The following C2orf76 variants were observed in gnomAD, a reference collection of about 807,000 sequenced individuals.
C2orf76 encodes the protein chromosome 2 open reading frame 76.
A neutral mutation model predicts 16.9 loss-of-function variants in C2orf76; 23 were observed. The ratio of observed to expected loss-of-function variants is 1.36; its 90% confidence interval spans 0.98 to 1.93. The LOEUF (loss-of-function observed/expected upper bound fraction) is 1.93, where lower values mean the gene tolerates loss of function less well. Among genes scored for constraint, C2orf76 ranks in the 30% most tolerant of loss-of-function variants. The pLI is 0.00. For missense variants in C2orf76, 152 were observed against 152.6 expected (o/e 1.00, Z 0.02); for synonymous variants, 48 against 52.3 (o/e 0.92, Z 0.35).
At chr2:119,283,838 A>C in the C2orf76 span, among the ~76,000 whole-genome samples, 11 of 152,258 alleles carry the variant, frequency 7.2e-5, no homozygotes, top group Admixed American at 4.6e-4. Flanking sequence ...CCATATAATC[A>C]AATCAAAAAA....
At chr2:119,364,134 G>C (rs896943870) in intron 1 of C2orf76, among the ~76,000 whole-genome samples, 3 of 151,964 alleles carry the variant, frequency 2.0e-5, no homozygotes, top group Non-Finnish European at 4.4e-5. Context: ...GGAGAGAGAA[G>C]AGAGAAAGAG....
At chr2:119,318,512 A>G (rs1679247934) in intron 3 of C2orf76, among the ~76,000 whole-genome samples, 1 of 151,752 alleles carries the variant, frequency 6.6e-6, no homozygotes, top group African/African-American at 2.4e-5. Flanking sequence ...TAAATAGTCA[A>G]CTTTCAGTTA....
chr2:119,296,615 A>T, the C2orf76 span, among the ~76,000 whole-genome samples: 23 of 152,188 alleles, frequency 1.5e-4, no homozygotes, highest in African/African-American at 5.1e-4. Flanking sequence ...AGGCCAGGCC[A>T]GTTCTCTGGG....
the C2orf76 span, among the ~76,000 whole-genome samples, chr2:119,294,724 C>T: frequency 2.0e-5 from 3 of 152,184 alleles, no homozygotes; most frequent in African/African-American, 7.2e-5. Context: ...TGCAGGGCAG[C>T]GTGAGGACCT....
At chr2:119,305,002 C>T (rs75518489) in intron 5 of C2orf76, among the ~76,000 whole-genome samples, 7,875 of 152,274 alleles carry the variant, frequency 0.052, 687 homozygotes, top group African/African-American at 0.18. Context: ...CTACCTTGTG[C>T]TGGTCCCCCA....
chr2:119,329,884 A>G (rs1679618950), intron 2 of C2orf76, among the ~76,000 whole-genome samples: 2 of 152,082 alleles, frequency 1.3e-5, no homozygotes, highest in East Asian at 1.9e-4. Flanking sequence ...AATATTTTAT[A>G]TTTATTATAT....
At chr2:119,344,996 A>G (rs528785118) in intron 1 of C2orf76, among the ~76,000 whole-genome samples, 34 of 152,256 alleles carry the variant, frequency 2.2e-4, no homozygotes, top group African/African-American at 8.2e-4. Flanking sequence ...TTCTTATCTC[A>G]CTCCTTATAC....
At chr2:119,296,414 C>T in the C2orf76 span, among the ~76,000 whole-genome samples, 1 of 152,176 alleles carries the variant, frequency 6.6e-6, no homozygotes, top group Non-Finnish European at 1.5e-5. Flanking sequence ...TACATGTATG[C>T]ATGTGTACAC....
chr2:119,285,618 G>A, the C2orf76 span, among the ~76,000 whole-genome samples: 1 of 152,210 alleles, frequency 6.6e-6, no homozygotes, highest in African/African-American at 2.4e-5. Flanking sequence ...TCAGGGCATG[G>A]AGAAAATGGA....
rs183773091 is a variant in C2orf76, at chr2:119,307,418, G to A, written c.304+4204C>T. 1.5e-4 allele frequency among the ~76,000 whole-genome samples: 22 copies of A among 147,386 alleles called. No homozygotes were observed. The East Asian group carries it at 3.3e-3, about 22-fold the overall frequency. On this transcript the variant is annotated intron_variant, in intron 5 of 5. Transcript: ENST00000334816. ...CGTGCCACTGCACTCTAGCCTGGGC[G>A]ACAGAGAGAGACTCTGTCTTAAAAA...
intron 5 of C2orf76, among the ~76,000 whole-genome samples, chr2:119,304,376 C>A (rs1314322303): frequency 1.3e-5 from 2 of 152,208 alleles, no homozygotes; most frequent in Non-Finnish European, 2.9e-5. Context: ...TTTATCTGAA[C>A]CCCTTTTGAG....
At chr2:119,318,760 AG>A in intron 3 of C2orf76, among the ~76,000 whole-genome samples, 1 of 152,218 alleles carries the variant, frequency 6.6e-6, no homozygotes, top group South Asian at 2.1e-4. Flanking sequence ...TCCTGACCTC[AG>A]GTGATCTGCC....
chr2:119,322,099 G>C (rs1679363272), intron 2 of C2orf76, among the ~76,000 whole-genome samples: 1 of 151,846 alleles, frequency 6.6e-6, no homozygotes, highest in South Asian at 2.1e-4. Context: ...ACACCTAACA[G>C]AGAAATGTGT....
At chr2:119,352,617 C>G (rs1254497148) in intron 1 of C2orf76, among the ~76,000 whole-genome samples, 2 of 152,190 alleles carry the variant, frequency 1.3e-5, no homozygotes, top group Admixed American at 6.5e-5. Flanking sequence ...TCTATAAATA[C>G]CACCTGCTGG....
chr2:119,322,003 C>T (rs1234166552), intron 2 of C2orf76, among the ~76,000 whole-genome samples: 5 of 150,750 alleles, frequency 3.3e-5, no homozygotes, highest in South Asian at 4.2e-4. Flanking sequence ...CCTCTAACTC[C>T]TCAAAGACAA....
At chr2:119,334,802 A>C (rs1286401140) in intron 2 of C2orf76, among the ~76,000 whole-genome samples, 1 of 152,124 alleles carries the variant, frequency 6.6e-6, no homozygotes, top group East Asian at 1.9e-4. Context: ...ATGCTACAAC[A>C]ACCTTACTGA....
intron 2 of C2orf76, among the ~76,000 whole-genome samples, chr2:119,337,847 T>A (rs1052988332): frequency 1.3e-5 from 2 of 152,166 alleles, no homozygotes; most frequent in Non-Finnish European, 2.9e-5. Context: ...GGGGAAGGTA[T>A]CTGTGGTACC....
intron 1 of C2orf76, among the ~76,000 whole-genome samples, chr2:119,342,800 C>T (rs1228774609): frequency 3.3e-5 from 5 of 151,904 alleles, no homozygotes; most frequent in African/African-American, 1.2e-4. Context: ...CTCACTCTGT[C>T]GCCAGGCTGG....
At chr2:119,339,168 A>G (rs1409266622) in intron 2 of C2orf76, 2 of 152,232 alleles carry the variant, frequency 1.3e-5, no homozygotes, top group Non-Finnish European at 2.9e-5. Flanking sequence ...GGAACTATAC[A>G]AGAAATCTGC....
Sources: gnomAD v4.1 joint callset for allele counts (sites outside exome capture counted in the v4.1 genomes callset) on GRCh38, gnomAD v4.1.1 for gene constraint, MANE v1.5 for transcripts, NCBI Gene and HGNC (gene_info 2026-07-23, HGNC 2026-07-21) for gene names.